The following ATF6 variants were observed in gnomAD, a reference collection of about 807,000 sequenced individuals.
The protein encoded by ATF6 is activating transcription factor 6.
A neutral mutation model predicts 83.6 loss-of-function variants in ATF6; 53 were observed. The observed-to-expected ratio is 0.63, with a 90% CI of 0.51 to 0.80. The LOEUF (loss-of-function observed/expected upper bound fraction) is 0.80, where lower values mean the gene tolerates loss of function less well. Ranked by LOEUF, ATF6 falls within the 30% of genes least tolerant of loss-of-function variation. The pLI is 0.00. For synonymous variants in ATF6, 288 were observed against 285.8 expected, an observed-to-expected ratio of 1.01 and a Z score of -0.08; for missense variants, 744 against 797.9, an observed-to-expected ratio of 0.93 and a Z score of 0.81.
At chr1:161,784,627 C>G (rs1023322717) in intron 4 of ATF6, among the ~76,000 whole-genome samples, 1 of 151,918 alleles carries the variant, frequency 6.6e-6, no homozygotes, top group Non-Finnish European at 1.5e-5. Flanking sequence ...AAGGAAGTAC[C>G]TGATTTAGGT....
chr1:161,870,359 C>T (rs1223469307), intron 14 of ATF6, among the ~76,000 whole-genome samples: 2 of 151,642 alleles, frequency 1.3e-5, no homozygotes, highest in Admixed American at 1.3e-4. Flanking sequence ...ATAAATAGGC[C>T]TTGAAAGTTT....
intron 14 of ATF6, among the ~76,000 whole-genome samples, chr1:161,890,517 A>G (rs1687525459): frequency 6.6e-6 from 1 of 152,216 alleles, no homozygotes; most frequent in African/African-American, 2.4e-5. Context: ...CTTGCCATTG[A>G]CAGGTCTTCA....
At chr1:161,843,746 T>G (rs565624900) in intron 9 of ATF6, among the ~76,000 whole-genome samples, 15 of 152,340 alleles carry the variant, frequency 9.8e-5, no homozygotes, top group African/African-American at 3.4e-4. Context: ...TTTCAGTTAA[T>G]TCATAAGTAG....
At chr1:161,906,854 A>C (rs1687885744) in intron 14 of ATF6, among the ~76,000 whole-genome samples, 1 of 152,164 alleles carries the variant, frequency 6.6e-6, no homozygotes, top group Non-Finnish European at 1.5e-5. Context: ...TTAGCTATTT[A>C]TATGAACTAT....
In ATF6 at chr1:161,835,324, G is replaced by A. The variant is rs564308226; in HGVS notation, c.1188-11125G>A. Among the ~76,000 whole-genome samples the A allele has an allele frequency of 6.6e-5, 10 of 152,244 alleles. No homozygotes were observed. The East Asian group carries it at 1.9e-3, about 29-fold the overall frequency. On this transcript the variant is annotated intron_variant, in intron 9 of 15. Transcript: ENST00000367942. ...TCCTGCCTCAGCCTCCTTAAGTGTT[G>A]GGATTGCAGATGTCAGCCAGCATGC...
chr1:161,947,810 C>CTTTTTTTTTTTTTTTTTTTTTTTTTTTT (rs10524670), intron 15 of ATF6, among the ~76,000 whole-genome samples: 2 of 57,548 alleles, frequency 3.5e-5, no homozygotes, highest in Non-Finnish European at 5.6e-5. Flanking sequence ...TAAGCCACGC[C>CTTTTTTTTTTTTTTTTTTTTTTTTTTTT]TTTTTTTTTT....
chr1:161,793,054 T>G (rs1443937078), intron 6 of ATF6, among the ~76,000 whole-genome samples: 3 of 152,164 alleles, frequency 2.0e-5, no homozygotes, highest in Non-Finnish European at 4.4e-5. Flanking sequence ...CTGGATTTAG[T>G]TTGTTGGCAC....
In ATF6 at chr1:161,819,615, CATT is replaced by C. The variant is rs1430772014; in HGVS notation, c.910-15_910-13del. 1 of 1,539,626 alleles carries C rather than the reference CATT, an allele frequency of 6.5e-7. No individual in the cohort carries two copies. The highest frequency in any genetic ancestry group is 1.4e-5 in the African/African-American group (1 of 70,978). On this transcript the variant is annotated splice_polypyrimidine_tract_variant and intron_variant, in intron 7 of 15. Transcript: ENST00000367942. ...ATTTTAAAACCAGGGTATTCTGATT[CATT>C]ATAACTTTTTCTAGATTGCTGTGCT...
intron 9 of ATF6, among the ~76,000 whole-genome samples, chr1:161,838,355 A>T (rs1474199597): frequency 6.6e-6 from 1 of 152,182 alleles, no homozygotes; most frequent in Non-Finnish European, 1.5e-5. Flanking sequence ...TGTGGAACAA[A>T]CCACCCCAAA....
intron 15 of ATF6, among the ~76,000 whole-genome samples, chr1:161,952,178 C>G (rs1270768568): frequency 6.6e-6 from 1 of 152,116 alleles, no homozygotes; most frequent in African/African-American, 2.4e-5. Flanking sequence ...CCATCTATCT[C>G]TTTTCTACAT....
In ATF6 at chr1:161,821,149, A is replaced by G. The variant is rs747542424; in HGVS notation, c.1175A>G (p.Tyr392Cys). The stretch of plus-strand genomic sequence containing the variant: ...GTATTGGCATTTATAATACTGAACT[A>G]TGGACCTATGAGGTAAGTGAATAGA... The part of the protein sequence containing the change: ...MIVLAFIILN[Y>C]GPMSMLEQDS... Residue 392 changes from tyrosine to cysteine, a missense_variant, in exon 9 of 16, where the codon TAT becomes TGT. By Grantham distance (194) the Tyr-to-Cys change is radical. Transcript: ENST00000367942. The G allele has an allele frequency of 3.2e-5, 52 of 1,606,822 alleles. 1 individual carries two copies. The highest frequency in any genetic ancestry group is 3.3e-4 in the Middle Eastern group (2 of 6,064).
At chr1:161,775,420 A>T (rs887828262) in intron 1 of ATF6, among the ~76,000 whole-genome samples, 2 of 151,876 alleles carry the variant, frequency 1.3e-5, no homozygotes, top group African/African-American at 4.9e-5. Context: ...CCAAATGGTA[A>T]CTATCTAACT....
At chr1:161,858,653 A>T (rs1686816070) in intron 12 of ATF6, among the ~76,000 whole-genome samples, 1 of 152,206 alleles carries the variant, frequency 6.6e-6, no homozygotes, top group Non-Finnish European at 1.5e-5. Flanking sequence ...TGAGAAAAAG[A>T]TCTACAGCAT....
intron 9 of ATF6, 145 bp downstream of exon 9, chr1:161,821,306 G>C (rs1685754998): frequency 1.8e-6 from 1 of 542,746 alleles, no homozygotes; most frequent in South Asian, 2.4e-5. Context: ...TGCCTTCAAA[G>C]ATCTCATGAT....
At chr1:161,769,236 A>AT in intron 1 of ATF6, among the ~76,000 whole-genome samples, 1 of 152,330 alleles carries the variant, frequency 6.6e-6, no homozygotes, top group Non-Finnish European at 1.5e-5. Context: ...TCACATAATT[A>AT]TTTTAAATAA....
At chr1:161,844,306 C>G (rs1686426831) in intron 9 of ATF6, among the ~76,000 whole-genome samples, 1 of 152,094 alleles carries the variant, frequency 6.6e-6, no homozygotes, top group Non-Finnish European at 1.5e-5. Context: ...AATCAAGAAA[C>G]TATAATCTTG....
chr1:161,791,418 A>C lies in ATF6; in HGVS notation c.365A>C (p.Asp122Ala). The change falls in exon 5 of 16, where the codon GAT becomes GCT. Residue 122 changes from aspartate (D) to alanine (A), a missense_variant. Asp to Ala is a moderately radical substitution (Grantham distance 126). Coordinates refer to ENST00000367942, the MANE Select transcript of ATF6 (RefSeq NM_007348.4). ...TTTATTATGCTACAGGAGGAGTTGG[A>C]TTTGTCTTCTAGTTCTCAGATGTCT... ...SSTQHVPEEL[D>A]LSSSSQMSPL... 6.2e-7 allele frequency: 1 copy of C among 1,607,940 alleles called. No individual in the cohort carries two copies. The highest frequency in any genetic ancestry group is 8.5e-7 in the Non-Finnish European group (1 of 1,178,290).
At chr1:161,919,180 T>A (rs1177923401) in intron 15 of ATF6, among the ~76,000 whole-genome samples, 3 of 152,206 alleles carry the variant, frequency 2.0e-5, no homozygotes, top group Non-Finnish European at 4.4e-5. Flanking sequence ...AACAGGTTAG[T>A]GAAGCTGCAA....
chr1:161,921,212 A>G (rs1395058064), intron 15 of ATF6, among the ~76,000 whole-genome samples: 14 of 152,204 alleles, frequency 9.2e-5, no homozygotes, highest in Admixed American at 9.2e-4. Context: ...CTGGGAAGAG[A>G]CAGTAAAGAG....
Sources: gnomAD v4.1 joint callset for allele counts (sites outside exome capture counted in the v4.1 genomes callset) on GRCh38, gnomAD v4.1.1 for gene constraint, MANE v1.5 for transcripts, NCBI Gene and HGNC (gene_info 2026-07-23, HGNC 2026-07-21) for gene names.